ZNF469: variants seen among roughly 807,000 people sequenced by gnomAD.
ZNF469 encodes zinc finger protein 469.
In ZNF469, 1 loss-of-function variant was observed where a neutral mutation model predicts 1.0. That is an observed-to-expected ratio of 1.00 (90% CI 0.35 to 4.73). The LOEUF (loss-of-function observed/expected upper bound fraction) is 4.73, where lower values mean the gene tolerates loss of function less well. ZNF469 is among the 30% of genes most tolerant of loss of function. The probability of loss-of-function intolerance (pLI) is 0.16; values close to 1 mark genes in which losing one functional copy is unlikely to be tolerated. For synonymous variants in ZNF469, 2,703 were observed against 2,363.4 expected, an observed-to-expected ratio of 1.14 and a Z score of -4.17; for missense variants, 6,100 against 5,356.3, an observed-to-expected ratio of 1.14 and a Z score of -4.33.
At chr16:88,218,653 C>T in the ZNF469 span, among the ~76,000 whole-genome samples, 2 of 149,494 alleles carry the variant, frequency 1.3e-5, no homozygotes, top group Non-Finnish European at 3.0e-5. Context: ...AAACCCACAG[C>T]CAATATCATA....
At chr16:88,124,900 G>A in the ZNF469 span, among the ~76,000 whole-genome samples, 1 of 152,312 alleles carries the variant, frequency 6.6e-6, no homozygotes, top group Non-Finnish European at 1.5e-5. Flanking sequence ...AGAAGTTTTC[G>A]ATGTTTAATT....
At chr16:88,389,992 C>T (rs1410048631) in intron 1 of ZNF469, among the ~76,000 whole-genome samples, 1 of 152,230 alleles carries the variant, frequency 6.6e-6, no homozygotes, top group Non-Finnish European at 1.5e-5. Context: ...GGCCCCGCTA[C>T]GCTGCCAGAG....
At chr16:88,129,062 A>C in the ZNF469 span, among the ~76,000 whole-genome samples, 161 of 152,396 alleles carry the variant, frequency 1.1e-3, no homozygotes, top group Middle Eastern at 3.4e-3. Flanking sequence ...AGAATACGTA[A>C]AATGAGTTAA....
chr16:88,143,475 T>G, the ZNF469 span, among the ~76,000 whole-genome samples: 15 of 151,978 alleles, frequency 9.9e-5, no homozygotes, highest in African/African-American at 2.9e-4. Context: ...TCCTTCCCCC[T>G]AAGACGCAAC....
chr16:88,132,038 C>G, the ZNF469 span, among the ~76,000 whole-genome samples: 2 of 152,250 alleles, frequency 1.3e-5, no homozygotes, highest in African/African-American at 2.4e-5. Flanking sequence ...GACGGCACTC[C>G]CAGCCTCTCC....
At chr16:88,305,477 TGCACACATGGTCACAG>T in the ZNF469 span, among the ~76,000 whole-genome samples, 1 of 82,142 alleles carries the variant, frequency 1.2e-5, no homozygotes, top group African/African-American at 4.9e-5. Flanking sequence ...CCCTCACACG[TGCACACATGGTCACAG>T]GCACACACGC....
At chr16:88,331,291 C>T in the ZNF469 span, among the ~76,000 whole-genome samples, 9 of 150,516 alleles carry the variant, frequency 6.0e-5, no homozygotes, top group East Asian at 1.6e-3. Context: ...ATCACCATCA[C>T]CACCATCACC....
At chr16:88,126,213 T>C in the ZNF469 span, among the ~76,000 whole-genome samples, 2 of 119,538 alleles carry the variant, frequency 1.7e-5, no homozygotes, top group East Asian at 4.5e-4. Context: ...AAAAAAAAAA[T>C]TCTTTGGGAT....
At chr16:88,279,782 G>A in the ZNF469 span, among the ~76,000 whole-genome samples, 133 of 149,204 alleles carry the variant, frequency 8.9e-4, no homozygotes, top group East Asian at 0.022. Flanking sequence ...TGCACAGTTA[G>A]TGCTGTGCCA....
At chr16:88,304,987 C>T in the ZNF469 span, among the ~76,000 whole-genome samples, 17 of 152,246 alleles carry the variant, frequency 1.1e-4, no homozygotes, top group African/African-American at 3.4e-4. Flanking sequence ...TCCCCCTCCC[C>T]AAGCCACTGG....
At chr16:88,117,700 A>G in the ZNF469 span, among the ~76,000 whole-genome samples, 1 of 151,838 alleles carries the variant, frequency 6.6e-6, no homozygotes, top group Non-Finnish European at 1.5e-5. Flanking sequence ...ACCGTGGAAG[A>G]GGGGCTTTTC....
At chr16:88,151,223 AC>A in the ZNF469 span, among the ~76,000 whole-genome samples, 4 of 152,110 alleles carry the variant, frequency 2.6e-5, no homozygotes, top group African/African-American at 9.7e-5. The surrounding 1 kb of genome is among the most constrained non-coding windows in gnomAD (Gnocchi z 5.4). Context: ...CGACTGTCAA[AC>A]CCAGCAGACG....
chr16:88,425,015 C>T (rs938686819), intron 2 of ZNF469, among the ~76,000 whole-genome samples, 144 bp downstream of exon 2: 1 of 152,116 alleles, frequency 6.6e-6, no homozygotes, highest in Non-Finnish European at 1.5e-5. Context: ...TCCCGAGAGC[C>T]GACTCCTGGG....
At chr16:88,289,442 T>C in the ZNF469 span, among the ~76,000 whole-genome samples, 1 of 151,634 alleles carries the variant, frequency 6.6e-6, no homozygotes, top group East Asian at 1.9e-4. Flanking sequence ...GTGATGATGA[T>C]ATGATGATGA....
At chr16:88,336,917 G>A in the ZNF469 span, among the ~76,000 whole-genome samples, 1 of 152,100 alleles carries the variant, frequency 6.6e-6, no homozygotes, top group Non-Finnish European at 1.5e-5. Flanking sequence ...TGCTCTTCTG[G>A]GCATTTCCTG....
chr16:88,381,245 CAT>C (rs1175831059), upstream of ZNF469, among the ~76,000 whole-genome samples: 5 of 149,700 alleles, frequency 3.3e-5, no homozygotes, highest in Non-Finnish European at 7.4e-5. Flanking sequence ...CACTCACAGA[CAT>C]GCACTCACAC....
chr16:88,333,918 GTC>G, the ZNF469 span, among the ~76,000 whole-genome samples: 26 of 141,492 alleles, frequency 1.8e-4, no homozygotes, highest in African/African-American at 6.5e-4. Context: ...ATCTGTGTGT[GTC>G]TGTGTGTGTC....
the ZNF469 span, among the ~76,000 whole-genome samples, chr16:88,224,865 G>A: frequency 2.0e-5 from 3 of 152,192 alleles, no homozygotes; most frequent in Non-Finnish European, 2.9e-5. Flanking sequence ...GGTCCCCAGC[G>A]GCTCAGGGTG....
intron 1 of ZNF469, among the ~76,000 whole-genome samples, chr16:88,408,578 C>T (rs755370250): frequency 2.2e-4 from 33 of 152,264 alleles, no homozygotes; most frequent in Non-Finnish European, 4.3e-4. Flanking sequence ...GGGGTCAGCA[C>T]GAGGCTCAGG....
Sources: allele counts gnomAD v4.1 joint callset (sites outside exome capture counted in the v4.1 genomes callset), GRCh38; gene constraint gnomAD v4.1.1; non-coding constraint Gnocchi (gnomAD v3.1); transcripts MANE v1.5; gene names NCBI Gene and HGNC (gene_info 2026-07-23, HGNC 2026-07-21).